Variants in MTMR9 observed in about 807,000 individuals in gnomAD.
MTMR9 encodes the protein myotubularin-related protein 9.
A neutral mutation model predicts 69.5 loss-of-function variants in MTMR9; 39 were observed. That is an observed-to-expected ratio of 0.56 (90% CI 0.43 to 0.73). The LOEUF (loss-of-function observed/expected upper bound fraction) is 0.73, where lower values mean the gene tolerates loss of function less well. MTMR9 is among the 30% of genes least tolerant of loss of function. The pLI is 0.00. For missense variants in MTMR9, 900 were observed against 671.2 expected (o/e 1.34, Z -3.77); for synonymous variants, 354 against 240.8 (o/e 1.47, Z -4.35).
chr8:11,332,910 T>G (rs1801288908), downstream of MTMR9, among the ~76,000 whole-genome samples: 1 of 152,002 alleles, frequency 6.6e-6, no homozygotes, highest in South Asian at 2.1e-4. Flanking sequence ...TTCCGTAGAG[T>G]TTTTGATCAG....
intron 1 of MTMR9, among the ~76,000 whole-genome samples, chr8:11,293,492 G>A (rs1799437703): frequency 1.3e-5 from 2 of 152,146 alleles, no homozygotes. Context: ...CTACAGGAAT[G>A]CCCCGTGGCT....
downstream of MTMR9, among the ~76,000 whole-genome samples, chr8:11,329,694 C>A (rs976906515): frequency 6.6e-5 from 10 of 152,262 alleles, no homozygotes; most frequent in African/African-American, 2.4e-4. Flanking sequence ...CCTGCCTTGG[C>A]CTCCCAAAGT....
At chr8:11,305,780 G>C (rs188608571) in intron 4 of MTMR9, among the ~76,000 whole-genome samples, 439 of 152,242 alleles carry the variant, frequency 2.9e-3, no homozygotes, top group African/African-American at 0.01. Flanking sequence ...TTTGCCACTG[G>C]TGCCTTTACT....
chr8:11,290,440 G>C (rs1023327793), intron 1 of MTMR9, among the ~76,000 whole-genome samples: 12 of 151,662 alleles, frequency 7.9e-5, no homozygotes, highest in African/African-American at 2.7e-4. Flanking sequence ...GCCCTTTGTT[G>C]AACAGAAATC....
intron 2 of MTMR9, chr8:11,298,984 G>C (rs901584182): frequency 9.7e-6 from 6 of 616,084 alleles, no homozygotes; most frequent in Non-Finnish European, 1.0e-5. Context: ...ACCAGTCTAG[G>C]AAGAGAGGAA....
At chr8:11,299,598 T>G (rs939214316) in intron 2 of MTMR9, among the ~76,000 whole-genome samples, 1 of 152,206 alleles carries the variant, frequency 6.6e-6, no homozygotes, top group Non-Finnish European at 1.5e-5. Flanking sequence ...TAACCCACCC[T>G]GATTTCAAAT....
In MTMR9 at chr8:11,327,867, G is replaced by C. The variant is rs375858762; in HGVS notation, c.*5079G>C. On this transcript the variant is annotated 3_prime_UTR_variant, in exon 10 of 10. Transcript: ENST00000221086. Reference sequence around the variant, plus strand: ...AGGGAAAAAAAAAAGCAGAACTTTTGTAAGTCTGTGTAACATTTTAATATT... The same window carrying C: ...AGGGAAAAAAAAAAGCAGAACTTTTCTAAGTCTGTGTAACATTTTAATATT... 1 of 152,440 alleles carries C rather than the reference G, an allele frequency of 6.6e-6. No homozygotes were observed. The highest frequency in any genetic ancestry group is 1.5e-5 in the Non-Finnish European group (1 of 67,996). The allele number at this position is 152,440 out of a possible 1,614,324, so 9.4% of individuals were successfully genotyped here. A position where few individuals can be genotyped will look rare whatever the true frequency, so the allele number is the denominator to read the frequency against.
intron 8 of MTMR9, chr8:11,317,841 C>G (rs1311209831): frequency 6.6e-6 from 1 of 152,310 alleles, no homozygotes; most frequent in African/African-American, 2.4e-5. Context: ...CCTTCCTTGC[C>G]TCATTGCTGG....
the MTMR9 span, among the ~76,000 whole-genome samples, chr8:11,338,058 C>T: frequency 2.6e-5 from 4 of 152,178 alleles, no homozygotes; most frequent in Admixed American, 6.5e-5. Flanking sequence ...AGGGAGCATT[C>T]GGACTTGTGG....
intron 1 of MTMR9, among the ~76,000 whole-genome samples, chr8:11,287,819 TATATA>T (rs1261573494): frequency 1.6e-5 from 2 of 123,700 alleles, no homozygotes; most frequent in Non-Finnish European, 3.2e-5. Context: ...ATACATATAA[TATATA>T]ATATATAACA....
the MTMR9 span, among the ~76,000 whole-genome samples, chr8:11,334,063 T>C: frequency 6.6e-6 from 1 of 152,214 alleles, no homozygotes; most frequent in Non-Finnish European, 1.5e-5. Context: ...CTTCCACCTT[T>C]TGCCATGGGA....
chr8:11,286,291 G>C (rs764337019), intron 1 of MTMR9, among the ~76,000 whole-genome samples: 9 of 151,738 alleles, frequency 5.9e-5, no homozygotes, highest in Non-Finnish European at 8.8e-5. Flanking sequence ...CAGGCAGTTT[G>C]GGTGAAGCCA....
rs141654925 is a variant in MTMR9, at chr8:11,285,374, C to G, written c.182+304C>G. 2.1e-3 allele frequency: 591 copies of G among 278,060 alleles called. 5 individuals are homozygous for G. Among genetic ancestry groups the G allele is most frequent in the African/African-American group, 0.012 (548 of 45,518 alleles). 17.2% of individuals were successfully genotyped at this position (278,060 alleles called of 1,614,324 possible). On this transcript the variant is annotated intron_variant, in intron 1 of 9. Transcript: ENST00000221086. ...TTGTCTTTATAAATTTCTTCTTCTT[C>G]TTGCCCCATCGTATTCCTTGAATTG...
rs965828761 is a variant in MTMR9, at chr8:11,326,927, A to C, written c.*4139A>C. ...AGAGCTTGCAGTGAGCCGAGATCGCACCACTGCACTCCAGCCTGGGCGAAA... is the reference window on the plus strand; with the variant it reads ...AGAGCTTGCAGTGAGCCGAGATCGCCCCACTGCACTCCAGCCTGGGCGAAA... On this transcript the variant is annotated 3_prime_UTR_variant, in exon 10 of 10. Transcript: ENST00000221086. 2.0e-5 allele frequency: 3 copies of C among 146,554 alleles called. No individual in the cohort carries two copies. The highest frequency in any genetic ancestry group is 4.5e-5 in the Non-Finnish European group (3 of 67,160). The allele number at this position is 146,554 out of a possible 1,614,324, so 9.1% of individuals were successfully genotyped here.
chr8:11,304,555 A>G (rs150713647), intron 3 of MTMR9, among the ~76,000 whole-genome samples: 1 of 152,378 alleles, frequency 6.6e-6, no homozygotes, highest in African/African-American at 2.4e-5. Flanking sequence ...GTCTGAAAGT[A>G]CAGTAAAAAC....
chr8:11,332,541 T>G (rs1801276994), downstream of MTMR9, among the ~76,000 whole-genome samples: 1 of 151,660 alleles, frequency 6.6e-6, no homozygotes, highest in African/African-American at 2.4e-5. Context: ...AGCTGAAACG[T>G]GCGACAACTG....
downstream of MTMR9, chr8:11,332,083 G>A (rs540056808): frequency 1.0e-4 from 165 of 1,611,842 alleles, no homozygotes; most frequent in East Asian, 3.1e-3. Context: ...ATTACAGCCC[G>A]GAACCTCAGC....
At chr8:11,292,762 G>T (rs1799414353) in intron 1 of MTMR9, among the ~76,000 whole-genome samples, 1 of 152,122 alleles carries the variant, frequency 6.6e-6, no homozygotes, top group Non-Finnish European at 1.5e-5. Context: ...TTATATATAT[G>T]ATGGTAGTCC....
intron 6 of MTMR9, among the ~76,000 whole-genome samples, chr8:11,314,206 G>C (rs1474791794): frequency 6.6e-6 from 1 of 152,194 alleles, no homozygotes; most frequent in Non-Finnish European, 1.5e-5. Flanking sequence ...TTTTTCCAAA[G>C]TTTCCTTCAT....
Sources: gnomAD v4.1 joint callset for allele counts (sites outside exome capture counted in the v4.1 genomes callset) on GRCh38, gnomAD v4.1.1 for gene constraint, MANE v1.5 for transcripts, NCBI Gene and HGNC (gene_info 2026-07-23, HGNC 2026-07-21) for gene names.